The following FAT3 variants were observed in gnomAD, a reference collection of about 807,000 sequenced individuals.
The protein encoded by FAT3 is protocadherin Fat 3.
FAT3 carries 95 observed loss-of-function variants against 310.2 expected under a neutral mutation model. The observed-to-expected ratio is 0.31, with a 90% CI of 0.26 to 0.36. The LOEUF is 0.36. Ranked by LOEUF, FAT3 falls within the 10% of genes least tolerant of loss-of-function variation. The pLI is 1.00. For missense variants in FAT3, 5,408 were observed against 5,715.6 expected, an observed-to-expected ratio of 0.95 and a Z score of 1.74; for synonymous variants, 2,314 against 2,192.9, an observed-to-expected ratio of 1.06 and a Z score of -1.54.
intron 3 of FAT3, among the ~76,000 whole-genome samples, chr11:92,666,734 A>G (rs1942966725): frequency 6.6e-6 from 1 of 152,096 alleles, no homozygotes; most frequent in Non-Finnish European, 1.5e-5. Flanking sequence ...GAGAGATAGC[A>G]ACATGGCATA....
chr11:92,515,797 C>T (rs905348698), intron 2 of FAT3, among the ~76,000 whole-genome samples: 4 of 151,932 alleles, frequency 2.6e-5, no homozygotes, highest in African/African-American at 7.2e-5. Context: ...ATACCAGGTG[C>T]ACAATGATTA....
chr11:92,814,807 C>G (rs1947778846), intron 13 of FAT3, among the ~76,000 whole-genome samples: 1 of 152,142 alleles, frequency 6.6e-6, no homozygotes, highest in Non-Finnish European at 1.5e-5. Context: ...AGCAAACCAC[C>G]ATGGCACATA....
chr11:92,339,604 CAG>C (rs1162265139), intron 1 of FAT3, among the ~76,000 whole-genome samples: 1 of 152,128 alleles, frequency 6.6e-6, no homozygotes, highest in Non-Finnish European at 1.5e-5. Context: ...GGACACATGA[CAG>C]GGGCCAGACC....
chr11:92,606,970 G>A (rs898389458), intron 3 of FAT3, among the ~76,000 whole-genome samples: 1 of 152,178 alleles, frequency 6.6e-6, no homozygotes, highest in African/African-American at 2.4e-5. Flanking sequence ...AGATTTCAGA[G>A]GAGCTTTAGT....
chr11:92,584,132 T>A (rs1938999444), intron 3 of FAT3, among the ~76,000 whole-genome samples: 1 of 152,020 alleles, frequency 6.6e-6, no homozygotes, highest in Non-Finnish European at 1.5e-5. Flanking sequence ...GGAAGTAACA[T>A]GTCTTGGATC....
intron 1 of FAT3, among the ~76,000 whole-genome samples, chr11:92,256,180 G>A (rs1209861647): frequency 6.6e-6 from 1 of 151,820 alleles, no homozygotes; most frequent in Non-Finnish European, 1.5e-5. Flanking sequence ...CTTTGATTTA[G>A]GATCTATCTT....
chr11:92,703,279 A>G (rs1944158899), intron 4 of FAT3, among the ~76,000 whole-genome samples: 1 of 152,266 alleles, frequency 6.6e-6, no homozygotes, highest in Admixed American at 6.5e-5. Flanking sequence ...TTGGTAAAGC[A>G]TCTGCTAAGC....
At chr11:92,494,545 CTGTG>C (rs1952698121) in intron 2 of FAT3, among the ~76,000 whole-genome samples, 1 of 151,970 alleles carries the variant, frequency 6.6e-6, no homozygotes, top group Admixed American at 6.6e-5. Flanking sequence ...GTGTCAATCA[CTGTG>C]TGGGTACTTT....
Position 92,882,724 on chromosome 11 carries a change from C to G in FAT3, c.12282-14C>G, listed in dbSNP as rs746451883. 6.3e-7 allele frequency: 1 copy of G among 1,580,646 alleles called. No homozygotes were observed. Among genetic ancestry groups the G allele is most frequent in the South Asian group, 1.2e-5 (1 of 84,404 alleles). ...TGGTCCTGACGGTGGGGAGGGGCTTCTGTGTCGCCGCAGGTGTGAGGAGGA... is the reference window on the plus strand; with the variant it reads ...TGGTCCTGACGGTGGGGAGGGGCTTGTGTGTCGCCGCAGGTGTGAGGAGGA... On this transcript the variant is annotated splice_polypyrimidine_tract_variant and intron_variant, in intron 23 of 27. Transcript: ENST00000525166.
chr11:92,785,032 C>G (rs1946852428), intron 7 of FAT3, among the ~76,000 whole-genome samples: 1 of 151,832 alleles, frequency 6.6e-6, no homozygotes. Flanking sequence ...CAAAACTTTA[C>G]TGGCACACTT....
intron 3 of FAT3, among the ~76,000 whole-genome samples, chr11:92,627,164 A>G (rs1324432692): frequency 6.6e-6 from 1 of 152,190 alleles, no homozygotes; most frequent in Non-Finnish European, 1.5e-5. Context: ...TGTGTAACTC[A>G]TGTTAATATT....
chr11:92,460,558 G>T (rs1488230682), intron 2 of FAT3, among the ~76,000 whole-genome samples: 1 of 152,220 alleles, frequency 6.6e-6, no homozygotes, highest in East Asian at 1.9e-4. Context: ...GCATTTGTAT[G>T]AAATTGAAAA....
At chr11:92,586,678 C>G (rs981691001) in intron 3 of FAT3, among the ~76,000 whole-genome samples, 1 of 151,896 alleles carries the variant, frequency 6.6e-6, no homozygotes, top group African/African-American at 2.4e-5. Flanking sequence ...ATACCCAGAA[C>G]CAAGGATTAC....
Position 92,798,420 on chromosome 11 carries a change from G to T in FAT3, c.5407G>T (p.Ala1803Ser), listed in dbSNP as rs549423339. The T allele has an allele frequency of 1.2e-5, 19 of 1,613,198 alleles. No homozygotes were observed. Among genetic ancestry groups the T allele is most frequent in the Admixed American group, 6.7e-5 (4 of 59,998 alleles). The change falls in exon 10 of 28, where the codon GCT (alanine) becomes TCT (serine). Residue 1803 changes from alanine to serine, a missense_variant. By Grantham distance (99) the Ala-to-Ser change is moderately conservative. This residue lies in a region of FAT3 where 4,588 missense variants were observed against 4,809.8 expected (regional missense o/e 0.95). Transcript: ENST00000525166. ...NSPLVIRATD[A>S]DSNRNALLVY... ...CCCACTGGTGATTCGAGCCACAGAT[G>T]CTGACAGCAACCGGAATGCTCTGCT...
At chr11:92,225,474 T>A (rs1590970360) in intron 1 of FAT3, among the ~76,000 whole-genome samples, 1 of 150,602 alleles carries the variant, frequency 6.6e-6, no homozygotes, top group East Asian at 2.0e-4. Flanking sequence ...TGGGGAGGGG[T>A]TGCGAGGGGG....
intron 1 of FAT3, among the ~76,000 whole-genome samples, chr11:92,284,710 T>G (rs1946516420): frequency 6.6e-6 from 1 of 152,136 alleles, no homozygotes; most frequent in Non-Finnish European, 1.5e-5. Flanking sequence ...TTGTCGCTCT[T>G]GACCCTAGCT....
intron 4 of FAT3, among the ~76,000 whole-genome samples, chr11:92,699,741 G>A (rs1193961090): frequency 6.6e-6 from 1 of 152,168 alleles, no homozygotes; most frequent in Non-Finnish European, 1.5e-5. Context: ...GGACAGCATA[G>A]CAATTAACAA....
chr11:92,882,690 T>G (rs1949700009), intron 23 of FAT3, 48 bp from the exon 24 acceptor site: 5 of 1,518,504 alleles, frequency 3.3e-6, no homozygotes, highest in Non-Finnish European at 3.5e-6. Flanking sequence ...TATACCAACG[T>G]GTGTGCACTG....
chr11:92,263,646 T>TAG (rs1865654981), intron 1 of FAT3, among the ~76,000 whole-genome samples: 1 of 147,072 alleles, frequency 6.8e-6, no homozygotes, highest in South Asian at 2.1e-4. Flanking sequence ...TGTATATATA[T>TAG]ATATATATAG....
Sources: allele counts gnomAD v4.1 joint callset (sites outside exome capture counted in the v4.1 genomes callset), GRCh38; gene constraint gnomAD v4.1.1; regional missense constraint gnomAD v4.1.1; transcripts MANE v1.5; gene names NCBI Gene and HGNC (gene_info 2026-07-23, HGNC 2026-07-21).